The following ABRAXAS2 variants were observed in gnomAD, a reference collection of about 807,000 sequenced individuals.
ABRAXAS2 encodes abraxas 2, BRISC complex subunit.
A neutral mutation model predicts 49.0 loss-of-function variants in ABRAXAS2; 23 were observed. That is an observed-to-expected ratio of 0.47 (90% CI 0.34 to 0.66). The LOEUF (loss-of-function observed/expected upper bound fraction) is 0.66, where lower values mean the gene tolerates loss of function less well. Among genes scored for constraint, ABRAXAS2 ranks in the 30% least tolerant of loss-of-function variants. The pLI is 0.01. For missense variants in ABRAXAS2, 443 were observed against 511.9 expected, an observed-to-expected ratio of 0.87 and a Z score of 1.30; for synonymous variants, 168 against 180.2, an observed-to-expected ratio of 0.93 and a Z score of 0.54.
intron 1 of ABRAXAS2, among the ~76,000 whole-genome samples, 167 bp downstream of exon 1, chr10:124,802,068 TG>T (rs1293421817): frequency 2.0e-5 from 3 of 152,124 alleles, no homozygotes; most frequent in African/African-American, 7.2e-5. Context: ...CTCTTGCCTC[TG>T]GGGGCTCCTT....
chr10:124,825,015 C>T (rs1456361745), intron 4 of ABRAXAS2, among the ~76,000 whole-genome samples: 1 of 152,102 alleles, frequency 6.6e-6, no homozygotes, highest in African/African-American at 2.4e-5. Context: ...GACAAAACAT[C>T]TCTTCTATCA....
intron 2 of ABRAXAS2, among the ~76,000 whole-genome samples, chr10:124,813,170 C>T (rs1004106917): frequency 4.6e-5 from 7 of 152,176 alleles, no homozygotes; most frequent in Non-Finnish European, 7.3e-5. Context: ...CACTGCACTC[C>T]AGCCTGGGCG....
intron 3 of ABRAXAS2, among the ~76,000 whole-genome samples, chr10:124,817,389 A>G (rs1950831585): frequency 1.3e-5 from 2 of 152,046 alleles, no homozygotes; most frequent in Non-Finnish European, 2.9e-5. Context: ...AGGGTCTCTT[A>G]CTCACTGGAC....
intron 2 of ABRAXAS2, among the ~76,000 whole-genome samples, chr10:124,809,812 G>C (rs1489062552): frequency 9.3e-5 from 14 of 150,664 alleles, no homozygotes; most frequent in African/African-American, 3.2e-4. Flanking sequence ...GAGTGCAATG[G>C]CACGATCTTG....
Position 124,802,010 on chromosome 10 carries a change from G to A in ABRAXAS2, c.72+109G>A, listed in dbSNP as rs373425523. The A allele has an allele frequency of 3.5e-6, 4 of 1,127,462 alleles. No homozygotes were observed. The African/African-American group carries it at 4.9e-5, about 14-fold the overall frequency. 69.8% of individuals were successfully genotyped at this position (1,127,462 alleles called of 1,614,324 possible). A position where few individuals can be genotyped will look rare whatever the true frequency, so the allele number is the denominator to read the frequency against. ...ATGCGGCTCGCCCCCTGGGCACCAG[G>A]GCCGGCCGGAGGAGCTGGTGACCCG... On this transcript the variant is annotated intron_variant, in intron 1 of 8. Transcript: ENST00000298492.
chr10:124,822,055 C>A lies in ABRAXAS2; in HGVS notation c.267+2605C>A, dbSNP rs73369367. ...GGTCATCAGCAATTCATGATGGAGCCATGGTTTAAACCAAGCCGTCCAGCC... is the reference window on the plus strand; with the variant it reads ...GGTCATCAGCAATTCATGATGGAGCAATGGTTTAAACCAAGCCGTCCAGCC... On this transcript the variant is annotated intron_variant, in intron 4 of 8. Coordinates refer to ENST00000298492, the MANE Select transcript of ABRAXAS2 (RefSeq NM_032182.4). Among the ~76,000 whole-genome samples, 916 of 152,278 alleles carry A rather than the reference C, an allele frequency of 6.0e-3. 11 individuals carry two copies. The highest frequency in any genetic ancestry group is 0.021 in the African/African-American group (876 of 41,538).
At chr10:124,814,600 C>T (rs533582969) in intron 2 of ABRAXAS2, among the ~76,000 whole-genome samples, 9 of 152,134 alleles carry the variant, frequency 5.9e-5, no homozygotes, top group East Asian at 3.9e-4. Flanking sequence ...CTTGGCCTCC[C>T]GAAGTGCTGG....
chr10:124,824,757 TA>T (rs1950886841), intron 4 of ABRAXAS2, among the ~76,000 whole-genome samples: 1 of 152,160 alleles, frequency 6.6e-6, no homozygotes, highest in Admixed American at 6.5e-5. Flanking sequence ...GCTGAGTAGG[TA>T]ATTCCAACAT....
chr10:124,808,476 A>G (rs1353930446), intron 2 of ABRAXAS2, among the ~76,000 whole-genome samples: 1 of 151,934 alleles, frequency 6.6e-6, no homozygotes, highest in African/African-American at 2.4e-5. Flanking sequence ...GTGCCTGGCT[A>G]TGCGGCAAAC....
intron 8 of ABRAXAS2, 131 bp downstream of exon 8, chr10:124,831,594 G>A: frequency 5.7e-6 from 3 of 525,710 alleles, no homozygotes; most frequent in Non-Finnish European, 9.9e-6. Flanking sequence ...CTGGGGCAGA[G>A]CAGTCTCTTG....
Position 124,831,465 on chromosome 10 carries a change from T to C in ABRAXAS2, c.778+2T>C. On this transcript the variant is annotated splice_donor_variant, in intron 8 of 8. Coordinates refer to ENST00000298492, the MANE Select transcript of ABRAXAS2 (RefSeq NM_032182.4). LOFTEE classifies it high-confidence loss of function. ...AAAATGAAAAGGAACAAGAAAGAAGTAAGTTTCTTATTAATTTTACCATTC... is the reference window on the plus strand; with the variant it reads ...AAAATGAAAAGGAACAAGAAAGAAGCAAGTTTCTTATTAATTTTACCATTC... The C allele has an allele frequency of 6.8e-7, 1 of 1,462,182 alleles. No individual in the cohort carries two copies. 90.6% of individuals were successfully genotyped at this position (1,462,182 alleles called of 1,614,324 possible).
chr10:124,829,573 A>G lies in ABRAXAS2; in HGVS notation c.663+96A>G, dbSNP rs41300560. 32,893 of 804,426 alleles carry G rather than the reference A, an allele frequency of 0.041. 932 individuals carry two copies. Among genetic ancestry groups the G allele is most frequent in the Non-Finnish European group, 0.047 (23,704 of 502,606 alleles). The allele number at this position is 804,426 out of a possible 1,614,324, so 49.8% of individuals were successfully genotyped here. A position where few individuals can be genotyped will look rare whatever the true frequency, so the allele number is the denominator to read the frequency against. ...GAATTGTCTTCCAACTGACAAATAG[A>G]GTTAGGATCCGAAAGTCAGAATCTG... On this transcript the variant is annotated intron_variant, in intron 7 of 8. Coordinates refer to ENST00000298492, the MANE Select transcript of ABRAXAS2 (RefSeq NM_032182.4).
Position 124,834,730 on chromosome 10 carries a change from C to T in ABRAXAS2, c.1007C>T (p.Ala336Val). The T allele has an allele frequency of 6.2e-7, 1 of 1,614,158 alleles. No individual in the cohort carries two copies. The highest frequency in any genetic ancestry group is 8.5e-7 in the Non-Finnish European group (1 of 1,180,036). ...ERSVFMPRPQ[A>V]VGSSNYASTS... ...AGTGTCTTTATGCCTCGACCTCAAG[C>T]TGTGGGCTCTTCCAATTATGCTTCC... Residue 336 changes from alanine (A) to valine (V), a missense_variant, in exon 9 of 9, where the codon GCT becomes GTT. This residue lies in a region of ABRAXAS2 where 230 missense variants were observed against 237.0 expected (regional missense o/e 0.97). Transcript: ENST00000298492.
intron 8 of ABRAXAS2, among the ~76,000 whole-genome samples, chr10:124,833,162 AAG>A (rs1467654191): frequency 4.7e-5 from 7 of 148,044 alleles, no homozygotes; most frequent in Admixed American, 1.3e-4. Flanking sequence ...AAAAAAAAGA[AAG>A]AAAGAAAGAA....
intron 4 of ABRAXAS2, among the ~76,000 whole-genome samples, chr10:124,823,914 T>C (rs1455773674): frequency 6.6e-6 from 1 of 151,988 alleles, no homozygotes; most frequent in Non-Finnish European, 1.5e-5. Context: ...AGAATCTGTT[T>C]TGTTTTGTTT....
intron 1 of ABRAXAS2, among the ~76,000 whole-genome samples, chr10:124,805,206 G>T (rs1483162985): frequency 6.6e-6 from 1 of 151,918 alleles, no homozygotes; most frequent in Admixed American, 6.6e-5. Flanking sequence ...GGTGGCGGGC[G>T]CCTGTAGTCC....
At chr10:124,811,456 G>A (rs918740420) in intron 2 of ABRAXAS2, among the ~76,000 whole-genome samples, 6 of 151,912 alleles carry the variant, frequency 3.9e-5, no homozygotes, top group South Asian at 2.1e-4. Flanking sequence ...GGCCGGGCAC[G>A]GTGGCTTAAG....
chr10:124,805,218 A>G (rs1950733209), intron 1 of ABRAXAS2, among the ~76,000 whole-genome samples: 2 of 152,054 alleles, frequency 1.3e-5, no homozygotes. Context: ...CTGTAGTCCC[A>G]GCTACTCGGG....
At position 124,836,243 on chromosome 10, in the gene ABRAXAS2, G is replaced by A. The variant is rs1398285375; in HGVS notation, c.*1272G>A. 1.3e-5 allele frequency: 2 copies of A among 152,412 alleles called. No homozygotes were observed. Among genetic ancestry groups the A allele is most frequent in the African/African-American group, 4.8e-5 (2 of 41,422 alleles). 9.4% of individuals were successfully genotyped at this position (152,412 alleles called of 1,614,324 possible). A position where few individuals can be genotyped will look rare whatever the true frequency, so the allele number is the denominator to read the frequency against. The stretch of plus-strand genomic sequence containing the variant: ...AAGTTGTTGAAGGCTTAAAATCTGG[G>A]TTCTGAAAAAGTAGTTTCAGTTTAT... On this transcript the variant is annotated 3_prime_UTR_variant, in exon 9 of 9. Transcript: ENST00000298492.
Sources: allele counts gnomAD v4.1 joint callset (sites outside exome capture counted in the v4.1 genomes callset), GRCh38; gene constraint gnomAD v4.1.1; regional missense constraint gnomAD v4.1.1; transcripts MANE v1.5; gene names NCBI Gene and HGNC (gene_info 2026-07-23, HGNC 2026-07-21).